The following PRAMEF12 variants were observed in gnomAD, a reference collection of about 807,000 sequenced individuals.
PRAMEF12 encodes PRAME family member 12.
In PRAMEF12, 24 loss-of-function variants were observed where a neutral mutation model predicts 24.6. The observed-to-expected ratio is 0.98, with a 90% CI of 0.71 to 1.37. PRAMEF12 has a LOEUF of 1.37. Among genes scored for constraint, PRAMEF12 ranks in the 40% most tolerant of loss-of-function variants. The pLI is 0.00. For missense variants in PRAMEF12, 646 were observed against 580.3 expected (o/e 1.11, Z -1.16); for synonymous variants, 286 against 242.6 (o/e 1.18, Z -1.66).
At position 12,774,873 on chromosome 1, in the gene PRAMEF12, C is replaced by A. The variant is rs1297506055; in HGVS notation, c.6C>A (p.Ser2Arg). Residue 2 changes from serine to arginine, a missense_variant, in exon 1 of 3, where the codon AGC becomes AGA. Coordinates refer to ENST00000357726, the MANE Select transcript of PRAMEF12 (RefSeq NM_001080830.5). Reference protein sequence around the residue: MSLQAPPRLLEL... With the variant: MRLQAPPRLLEL... ...TTTTCTCTAGATTCATCAGGATGAG[C>A]CTCCAGGCCCCACCTAGACTCCTGG... The A allele has an allele frequency of 3.1e-6, 5 of 1,597,290 alleles. No homozygotes were observed. The African/African-American group carries it at 4.1e-5, about 13-fold the overall frequency.
rs754669249 is a variant in PRAMEF12 at position 12,777,087 on chromosome 1, T to C, written c.940T>C (p.Trp314Arg). The change falls in exon 3 of 3, where the codon TGG becomes CGG. Residue 314 changes from tryptophan to arginine, a missense_variant. Physicochemically the swap from Trp to Arg is moderately radical, Grantham distance 101 (BLOSUM62 -3). Transcript: ENST00000357726. ...LSESDLKHLS[W>R]CPSIRQLKEL... ...AGAGTCGGACCTGAAGCATCTCTCTTGGTGCCCGAGCATCCGTCAGCTAAA... is the reference window on the plus strand; with the variant it reads ...AGAGTCGGACCTGAAGCATCTCTCTCGGTGCCCGAGCATCCGTCAGCTAAA... 4.3e-6 allele frequency: 7 copies of C among 1,614,064 alleles called. No individual in the cohort carries two copies. The South Asian group carries it at 7.7e-5, about 18-fold the overall frequency.
In PRAMEF12 at chr1:12,777,017, C is replaced by T. The variant is rs547544337; in HGVS notation, c.870C>T (p.Leu290=). ...EGHLDQLLRC[L]QAPLETVVMT... ...CCTTCTTGTTCTCTCCCAGGTGTCT[C>T]CAGGCCCCCTTGGAGACAGTCGTAA... The change falls in exon 3 of 3, where the codon CTC becomes CTT. Residue 290 remains leucine (L), a synonymous_variant. Transcript: ENST00000357726. 6.2e-7 allele frequency: 1 copy of T among 1,611,554 alleles called. No individual in the cohort carries two copies. Among genetic ancestry groups the T allele is most frequent in the Admixed American group, 1.7e-5 (1 of 59,976 alleles).
chr1:12,775,160 G>C lies in PRAMEF12; in HGVS notation c.287+6G>C. The C allele has an allele frequency of 6.2e-7, 1 of 1,603,890 alleles. No homozygotes were observed. Among genetic ancestry groups the C allele is most frequent in the Non-Finnish European group, 8.5e-7 (1 of 1,174,594 alleles). On this transcript the variant is annotated splice_donor_region_variant and intron_variant, in intron 1 of 2. Coordinates refer to ENST00000357726, the MANE Select transcript of PRAMEF12 (RefSeq NM_001080830.5). ...GCCCAGAAGGTTCGCCCCAGGTGAG[G>C]TGACCCAGCTAACCAGGTGGGGAGG...
rs200147207 is a variant in PRAMEF12 at position 12,777,268 on chromosome 1, G to C, written c.1121G>C (p.Arg374Pro). The C allele has an allele frequency of 6.2e-7, 1 of 1,612,436 alleles. No homozygotes were observed. The highest frequency in any genetic ancestry group is 1.7e-5 in the Admixed American group (1 of 60,012). The change falls in exon 3 of 3, where the codon CGC (arginine) becomes CCC (proline). Residue 374 changes from arginine to proline, a missense_variant. By Grantham distance (103) the Arg-to-Pro change is moderately radical. Transcript: ENST00000357726. ...AGCGCCATCCTGCCTGCCCTGAGCC[G>C]CTGCTCCCAGCTCAGCACCTTCAGC... is the stretch of plus-strand genomic sequence containing the variant. ...QLSAILPALS[R>P]CSQLSTFSFC...
rs759827378 is a variant in PRAMEF12, at chr1:12,776,151, C to T, written c.863+33C>T. On this transcript the variant is annotated intron_variant, in intron 2 of 2. Transcript: ENST00000357726. Reference sequence around the variant, plus strand: ...AGTATGGTGAGCTTTCTCTGCAGACCGCAGCAAAGACTTTCTTTATTACTG... The same window carrying T: ...AGTATGGTGAGCTTTCTCTGCAGACTGCAGCAAAGACTTTCTTTATTACTG... 3.1e-5 allele frequency: 49 copies of T among 1,592,618 alleles called. 1 individual carries two copies. The highest frequency in any genetic ancestry group is 2.7e-4 in the South Asian group (24 of 90,498).
chr1:12,776,185 AG>A, intron 2 of PRAMEF12, 67 bp downstream of exon 2: 1 of 1,499,658 alleles, frequency 6.7e-7, no homozygotes, highest in Non-Finnish European at 9.2e-7. Flanking sequence ...TGTAAACACC[AG>A]GGGGTATCTA....
rs375245601 is a variant in PRAMEF12 at position 12,775,131 on chromosome 1, G to A, written c.264G>A (p.Leu88=). 6.2e-7 allele frequency: 1 copy of A among 1,612,616 alleles called. No individual in the cohort carries two copies. Among genetic ancestry groups the A allele is most frequent in the East Asian group, 2.2e-5 (1 of 44,862 alleles). ...FRAVLEGLDA[L]LAQKVRPRRW... ...CTGTGCTGGAGGGGCTTGATGCACT[G>A]CTTGCCCAGAAGGTTCGCCCCAGGT... Residue 88 remains leucine (L), a synonymous_variant, in exon 1 of 3, where the codon CTG becomes CTA. Coordinates refer to ENST00000357726, the MANE Select transcript of PRAMEF12 (RefSeq NM_001080830.5).
chr1:12,775,596 G>T lies in PRAMEF12; in HGVS notation c.341G>T (p.Gly114Val), dbSNP rs201968985. The T allele has an allele frequency of 1.2e-6, 2 of 1,613,824 alleles. No homozygotes were observed. Among genetic ancestry groups the T allele is most frequent in the South Asian group, 1.1e-5 (1 of 91,072 alleles). ...DLRNVDENFW[G>V]IWSGASALSP... ...CGGAATGTGGATGAGAACTTCTGGG[G>T]CATATGGTCTGGAGCTTCTGCACTC... is the stretch of plus-strand genomic sequence containing the variant. The change falls in exon 2 of 3, where the codon GGC becomes GTC. Residue 114 changes from glycine (G) to valine (V), a missense_variant. Gly to Val is a moderately radical substitution (Grantham distance 109). Coordinates refer to ENST00000357726, the MANE Select transcript of PRAMEF12 (RefSeq NM_001080830.5).
At chr1:12,776,475 T>C (rs1193849622) in intron 2 of PRAMEF12, among the ~76,000 whole-genome samples, 1 of 152,122 alleles carries the variant, frequency 6.6e-6, no homozygotes, top group East Asian at 1.9e-4. Flanking sequence ...GAAGAGAATG[T>C]CCATCACACC....
In PRAMEF12 at chr1:12,777,635, G is replaced by T; in HGVS notation, c.*36G>T. On this transcript the variant is annotated 3_prime_UTR_variant, in exon 3 of 3. Transcript: ENST00000357726. ...TGGTCATTTGGCAACTGAATCCTAG[G>T]CCATGAGTGTATGTCAAAGGGAGCA... is the stretch of plus-strand genomic sequence containing the variant. 6.2e-7 allele frequency: 1 copy of T among 1,609,536 alleles called. No homozygotes were observed. The highest frequency in any genetic ancestry group is 8.5e-7 in the Non-Finnish European group (1 of 1,176,814).
In PRAMEF12 at chr1:12,777,351, G is replaced by C; in HGVS notation, c.1204G>C (p.Gly402Arg). The change falls in exon 3 of 3, where the codon GGG becomes CGG. Residue 402 changes from glycine (G) to arginine (R), a missense_variant. By Grantham distance (125) the Gly-to-Arg change is moderately radical (BLOSUM62 -2). Transcript: ENST00000357726. ...GGAGAACCTGCTGCGCCACACCGTC[G>C]GGCTGAGCAAGCTAAGCCTGGAGCT... is the stretch of plus-strand genomic sequence containing the variant. ...ALENLLRHTV[G>R]LSKLSLELYP... The C allele has an allele frequency of 1.2e-6, 2 of 1,613,570 alleles. No homozygotes were observed. The highest frequency in any genetic ancestry group is 1.7e-6 in the Non-Finnish European group (2 of 1,179,858).
At chr1:12,776,203 G>A (rs1353917890) in intron 2 of PRAMEF12, 85 bp downstream of exon 2, 3 of 1,399,476 alleles carry the variant, frequency 2.1e-6, no homozygotes, top group Admixed American at 3.4e-5. Flanking sequence ...TCTACTGTGA[G>A]CCAGCTTGTG....
rs887879935 is a variant in PRAMEF12, at chr1:12,774,094, G to A, written c.-774G>A. Among the ~76,000 whole-genome samples the A allele has an allele frequency of 2.6e-5, 4 of 152,058 alleles. No homozygotes were observed. The highest frequency in any genetic ancestry group is 4.2e-4 in the South Asian group (2 of 4,816). On this transcript the variant is annotated 5_prime_UTR_variant, in exon 1 of 3. Coordinates refer to ENST00000357726, the MANE Select transcript of PRAMEF12 (RefSeq NM_001080830.5). ...ACAACTGGTTGAATTTTTATTTCGT[G>A]ACATTTGAAATAATTGGTTTTTGTG...
chr1:12,775,590 T>C lies in PRAMEF12; in HGVS notation c.335T>C (p.Phe112Ser). The C allele has an allele frequency of 6.2e-7, 1 of 1,613,802 alleles. No homozygotes were observed. The highest frequency in any genetic ancestry group is 8.5e-7 in the Non-Finnish European group (1 of 1,179,894). Reference protein sequence around the residue: ...VLDLRNVDENFWGIWSGASAL... With the variant: ...VLDLRNVDENSWGIWSGASAL... Reference sequence around the variant, plus strand: ...GACTTGCGGAATGTGGATGAGAACTTCTGGGGCATATGGTCTGGAGCTTCT... The same window carrying C: ...GACTTGCGGAATGTGGATGAGAACTCCTGGGGCATATGGTCTGGAGCTTCT... The change falls in exon 2 of 3, where the codon TTC (phenylalanine) becomes TCC (serine). Residue 112 changes from phenylalanine to serine, a missense_variant. Coordinates refer to ENST00000357726, the MANE Select transcript of PRAMEF12 (RefSeq NM_001080830.5).
chr1:12,777,642 G>C lies in PRAMEF12; in HGVS notation c.*43G>C. 1 of 1,606,444 alleles carries C rather than the reference G, an allele frequency of 6.2e-7. No individual in the cohort carries two copies. The highest frequency in any genetic ancestry group is 1.1e-5 in the South Asian group (1 of 90,428). ...TTGGCAACTGAATCCTAGGCCATGA[G>C]TGTATGTCAAAGGGAGCACAGACCC... On this transcript the variant is annotated 3_prime_UTR_variant, in exon 3 of 3. Coordinates refer to ENST00000357726, the MANE Select transcript of PRAMEF12 (RefSeq NM_001080830.5).
chr1:12,777,011 G>A lies in PRAMEF12; in HGVS notation c.864G>A (p.Arg288=), dbSNP rs921244885. The part of the protein sequence containing the change: ...FLEGHLDQLL[R]CLQAPLETVV... ...CTAACTCCTTCTTGTTCTCTCCCAG[G>A]TGTCTCCAGGCCCCCTTGGAGACAG... The change falls in exon 3 of 3, where the codon AGG becomes AGA. Residue 288 remains arginine (R), a splice_region_variant and synonymous_variant. Coordinates refer to ENST00000357726, the MANE Select transcript of PRAMEF12 (RefSeq NM_001080830.5). 2 of 1,609,676 alleles carry A rather than the reference G, an allele frequency of 1.2e-6. No individual in the cohort carries two copies. Among genetic ancestry groups the A allele is most frequent in the Admixed American group, 1.7e-5 (1 of 59,846 alleles).
intron 2 of PRAMEF12, 55 bp from the exon 3 acceptor site, chr1:12,776,956 T>G: frequency 6.5e-7 from 1 of 1,533,270 alleles, no homozygotes; most frequent in Non-Finnish European, 8.8e-7. Flanking sequence ...GTGTCATCTC[T>G]CACCTTGAGG....
At position 12,775,784 on chromosome 1, in the gene PRAMEF12, C is replaced by T. The variant is rs146671398; in HGVS notation, c.529C>T (p.His177Tyr). The change falls in exon 2 of 3, where the codon CAC becomes TAC. Residue 177 changes from histidine to tyrosine, a missense_variant. By Grantham distance (83) the His-to-Tyr change is moderately conservative. Transcript: ENST00000357726. ...GGGCAAGCAGAGAAAAGGCTTACTG[C>T]ACGTGTGTTGCAAGGAGCTGCAGAT... ...EWGKQRKGLL[H>Y]VCCKELQIFG... 32 of 1,613,846 alleles carry T rather than the reference C, an allele frequency of 2.0e-5. No individual in the cohort carries two copies. In the African/African-American group the frequency reaches 3.1e-4, roughly 15 times the overall value.
Position 12,775,787 on chromosome 1 carries a change from G to C in PRAMEF12, c.532G>C (p.Val178Leu). Residue 178 changes from valine to leucine, a missense_variant, in exon 2 of 3, where the codon GTG (valine) becomes CTG (leucine). Transcript: ENST00000357726. ...WGKQRKGLLHVCCKELQIFGI... is the reference protein window; with the variant it reads ...WGKQRKGLLHLCCKELQIFGI... ...CAAGCAGAGAAAAGGCTTACTGCACGTGTGTTGCAAGGAGCTGCAGATTTT... is the reference window on the plus strand; with the variant it reads ...CAAGCAGAGAAAAGGCTTACTGCACCTGTGTTGCAAGGAGCTGCAGATTTT... 1 of 1,613,910 alleles carries C rather than the reference G, an allele frequency of 6.2e-7. No individual in the cohort carries two copies. Among genetic ancestry groups the C allele is most frequent in the Non-Finnish European group, 8.5e-7 (1 of 1,180,000 alleles).
Sources: allele counts gnomAD v4.1 joint callset (sites outside exome capture counted in the v4.1 genomes callset), GRCh38; gene constraint gnomAD v4.1.1; transcripts MANE v1.5; gene names NCBI Gene and HGNC (gene_info 2026-07-23, HGNC 2026-07-21).